The following NRG1 variants were observed in gnomAD, a reference collection of about 807,000 sequenced individuals.
The protein encoded by NRG1 is neuregulin 1.
A neutral mutation model predicts 63.8 loss-of-function variants in NRG1; 18 were observed. The ratio of observed to expected loss-of-function variants is 0.28; its 90% confidence interval spans 0.19 to 0.42. The LOEUF (loss-of-function observed/expected upper bound fraction) is 0.42, where lower values mean the gene tolerates loss of function less well. NRG1 is among the 10% of genes least tolerant of loss of function. The pLI is 1.00. For synonymous variants in NRG1, 302 were observed against 301.3 expected (o/e 1.00, Z -0.02); for missense variants, 762 against 814.7 (o/e 0.94, Z 0.79).
In NRG1 at chr8:32,528,231, GA is replaced by G. The variant is rs545964237; in HGVS notation, c.38-67594del. ...TTTTATTTTTCATATATGACTACGT[GA>G]AAGTACTGTCTGTTGTTATATGTCT... On this transcript the variant is annotated intron_variant, in intron 1 of 10. Transcript: ENST00000519301. Among the ~76,000 whole-genome samples the G allele has an allele frequency of 1.2e-3, 187 of 152,312 alleles. 1 individual carries two copies. The highest frequency in any genetic ancestry group is 8.6e-3 in the Admixed American group (132 of 15,306).
rs1264111970 is a variant in NRG1, at chr8:32,747,732, G to GTGTATATATATATATATATA, written c.691+5000_691+5001insGTATATATATATATATATAT. Among the ~76,000 whole-genome samples, 88 of 132,076 alleles carry GTGTATATATATATATATATA rather than the reference G, an allele frequency of 6.7e-4. 1 individual carries two copies. Among genetic ancestry groups the GTGTATATATATATATATATA allele is most frequent in the African/African-American group, 2.5e-3 (84 of 33,656 alleles). 86.6% of individuals were successfully genotyped at this position (132,076 alleles called of 152,430 possible). A position where few individuals can be genotyped will look rare whatever the true frequency, so the allele number is the denominator to read the frequency against. ...TGTTTGTGTGCATATATGTGTGTGT[G>GTGTATATATATATATATATA]TATATATATATATATATATATATAT... is the stretch of plus-strand genomic sequence containing the variant. On this transcript the variant is annotated intron_variant, in intron 7 of 11. Coordinates refer to ENST00000356819, the Ensembl canonical transcript of NRG1.
chr8:32,497,894 G>T (rs951276575), intron 1 of NRG1, among the ~76,000 whole-genome samples: 1 of 152,128 alleles, frequency 6.6e-6, no homozygotes, highest in Admixed American at 6.6e-5. Context: ...CACGATCTCG[G>T]CTCACCACAA....
chr8:32,334,104 C>T (rs1802966027), intron 1 of NRG1, among the ~76,000 whole-genome samples: 1 of 152,188 alleles, frequency 6.6e-6, no homozygotes, highest in African/African-American at 2.4e-5. Context: ...CAGGTACTTA[C>T]ATCTTTTATT....
chr8:31,893,277 G>A (rs533001647), intron 1 of NRG1, among the ~76,000 whole-genome samples: 46 of 151,224 alleles, frequency 3.0e-4, no homozygotes, highest in Non-Finnish European at 5.6e-4. Flanking sequence ...ACCATTTGTT[G>A]CACTATACAC....
intron 1 of NRG1, among the ~76,000 whole-genome samples, chr8:31,832,746 A>G (rs1384788322): frequency 1.3e-5 from 2 of 152,226 alleles, no homozygotes; most frequent in African/African-American, 4.8e-5. Flanking sequence ...TGAGCAGGCT[A>G]TCATCGCAAT....
chr8:32,742,068 C>G lies in NRG1; in HGVS notation c.633-607C>G. The G allele has an allele frequency of 6.2e-7, 1 of 1,613,274 alleles. No homozygotes were observed. Among genetic ancestry groups the G allele is most frequent in the Non-Finnish European group, 8.5e-7 (1 of 1,179,472 alleles). On this transcript the variant is annotated intron_variant, in intron 6 of 11. Coordinates refer to ENST00000356819, the Ensembl canonical transcript of NRG1. The surrounding 1 kb of genome is among the most constrained non-coding windows in gnomAD (Gnocchi z 4.2). ...AGAATGTGCCCATGAAAGTCCAAAACCAAGAAAGTATGTCAAAATAATCTG... is the reference window on the plus strand; with the variant it reads ...AGAATGTGCCCATGAAAGTCCAAAAGCAAGAAAGTATGTCAAAATAATCTG...
intron 1 of NRG1, among the ~76,000 whole-genome samples, chr8:31,958,834 G>C (rs1430591140): frequency 1.3e-5 from 2 of 152,142 alleles, no homozygotes; most frequent in African/African-American, 4.8e-5. Flanking sequence ...TTCATCAGGA[G>C]TCCTTTAGGA....
Position 31,742,364 on chromosome 8 carries a change from C to T in NRG1, c.37+102933C>T, listed in dbSNP as rs565556058. Among the ~76,000 whole-genome samples the T allele has an allele frequency of 1.9e-4, 27 of 145,534 alleles. No homozygotes were observed. The East Asian group carries it at 4.8e-3, about 26-fold the overall frequency. On this transcript the variant is annotated intron_variant, in intron 1 of 10. Coordinates refer to the NRG1 transcript ENST00000519301. ...ATTATTGTTCTTCAAATTGTATATA[C>T]ATTTTAATATTTTATAAATATATTC...
rs370459013 is a variant in NRG1 at position 32,120,693 on chromosome 8, A to C, written c.38-475135A>C. On this transcript the variant is annotated intron_variant, in intron 1 of 10. Transcript: ENST00000519301. ...GGAGCCTATGGATTTGGAGTGCATC[A>C]TAAGGGAAGAAGTTAACCTCCTGCT... 6.4e-4 allele frequency among the ~76,000 whole-genome samples: 98 copies of C among 152,166 alleles called. 1 individual carries two copies. In the South Asian group the frequency reaches 0.02, roughly 30 times the overall value.
chr8:31,996,239 T>C (rs955914904), intron 1 of NRG1, among the ~76,000 whole-genome samples: 1 of 151,954 alleles, frequency 6.6e-6, no homozygotes, highest in African/African-American at 2.4e-5. Context: ...GTAGAGACCA[T>C]ATTATTTCTA....
chr8:32,486,040 G>T (rs983470311), intron 1 of NRG1, among the ~76,000 whole-genome samples: 5 of 151,856 alleles, frequency 3.3e-5, no homozygotes, highest in African/African-American at 2.4e-5. Context: ...CAATTCTCCT[G>T]CCTCAGCCTC....
intron 1 of NRG1, among the ~76,000 whole-genome samples, chr8:32,006,774 C>A (rs950860250): frequency 6.6e-6 from 1 of 151,966 alleles, no homozygotes; most frequent in Non-Finnish European, 1.5e-5. Flanking sequence ...GTGGTTTCTT[C>A]CCCCACATTC....
intron 9 of NRG1, among the ~76,000 whole-genome samples, chr8:32,757,722 T>A (rs1003412763): frequency 3.9e-5 from 6 of 152,220 alleles, no homozygotes; most frequent in African/African-American, 1.2e-4. Flanking sequence ...ACATTGTGCA[T>A]CTTTGGGCTT....
chr8:31,817,672 T>A (rs556698750), intron 1 of NRG1, among the ~76,000 whole-genome samples: 2 of 152,358 alleles, frequency 1.3e-5, no homozygotes, highest in Non-Finnish European at 2.9e-5. Flanking sequence ...TTCTCAGCAT[T>A]GAGGCATGTG....
At chr8:32,399,900 T>C (rs1812945694) in intron 1 of NRG1, among the ~76,000 whole-genome samples, 1 of 152,200 alleles carries the variant, frequency 6.6e-6, no homozygotes, top group Non-Finnish European at 1.5e-5. Flanking sequence ...AGAGAAAAGC[T>C]GTTCATTCTT....
At chr8:32,626,949 A>T (rs2129543465) in intron 5 of NRG1, among the ~76,000 whole-genome samples, 1 of 151,854 alleles carries the variant, frequency 6.6e-6, no homozygotes. Flanking sequence ...TGAACCTGGG[A>T]GCGGAGGTTG....
At chr8:32,598,192 T>C (rs1337705309) in intron 2 of NRG1, among the ~76,000 whole-genome samples, 2 of 152,076 alleles carry the variant, frequency 1.3e-5, no homozygotes, top group African/African-American at 4.8e-5. Flanking sequence ...TTCAGTCTTA[T>C]ATGAAACATG....
chr8:31,867,745 T>G (rs894094795), intron 1 of NRG1, among the ~76,000 whole-genome samples: 7 of 152,168 alleles, frequency 4.6e-5, no homozygotes, highest in Non-Finnish European at 5.9e-5. Flanking sequence ...AACACTGTTA[T>G]TTTTTAATTC....
intron 1 of NRG1, among the ~76,000 whole-genome samples, chr8:32,051,922 T>C (rs1822039872): frequency 6.6e-6 from 1 of 152,184 alleles, no homozygotes; most frequent in South Asian, 2.1e-4. Context: ...TAAGTGGTTG[T>C]TGAGACATTA....
Sources: gnomAD v4.1 joint callset for allele counts (sites outside exome capture counted in the v4.1 genomes callset) on GRCh38, gnomAD v4.1.1 for gene constraint, Gnocchi (gnomAD v3.1) non-coding constraint, MANE v1.5 for transcripts, NCBI Gene and HGNC (gene_info 2026-07-23, HGNC 2026-07-21) for gene names.